SZRD1: variants seen among roughly 807,000 people sequenced by gnomAD.
SZRD1 encodes the protein SUZ RNA binding domain containing 1.
In SZRD1, 7 loss-of-function variants were observed where a neutral mutation model predicts 17.6. The observed-to-expected ratio is 0.40, with a 90% confidence interval of 0.23 to 0.75. The LOEUF is 0.75. SZRD1 is among the 30% of genes least tolerant of loss of function. SZRD1 has a pLI of 0.38. For missense variants in SZRD1, 178 were observed against 201.8 expected (o/e 0.88, Z 0.71); for synonymous variants, 77 against 77.9 (o/e 0.99, Z 0.06).
At chr1:16,380,609 C>A (rs918250377) in intron 1 of SZRD1, among the ~76,000 whole-genome samples, 1 of 152,178 alleles carries the variant, frequency 6.6e-6, no homozygotes, top group Non-Finnish European at 1.5e-5. Context: ...GCTGGAATTA[C>A]AGGCATGTGC....
At chr1:16,382,597 C>T (rs1041602960) in intron 1 of SZRD1, among the ~76,000 whole-genome samples, 7 of 151,808 alleles carry the variant, frequency 4.6e-5, no homozygotes, top group South Asian at 2.1e-4. Flanking sequence ...CGAGTTCAAG[C>T]GATTCTCCTG....
At chr1:16,385,864 A>T (rs1037143261) in intron 1 of SZRD1, among the ~76,000 whole-genome samples, 1 of 151,916 alleles carries the variant, frequency 6.6e-6, no homozygotes, top group Non-Finnish European at 1.5e-5. Context: ...GATCCCATTC[A>T]CCTTGTGGTT....
rs192129537 is a variant in SZRD1 at position 16,391,205 on chromosome 1, G to C, written c.52-170G>C. Among the ~76,000 whole-genome samples, 236 of 152,264 alleles carry C rather than the reference G, an allele frequency of 1.5e-3. No homozygotes were observed. The highest frequency in any genetic ancestry group is 5.4e-3 in the African/African-American group (225 of 41,530). On this transcript the variant is annotated intron_variant, in intron 1 of 3. Transcript: ENST00000401088. This position sits in a 1 kb window ranked among gnomAD's most constrained non-coding sequence, Gnocchi z 4.3. ...GGGCTAGAAGGGAGATGGACCTGCA[G>C]AGGGTATCAGGTCCCCAAACCCCAA...
chr1:16,382,132 G>A (rs548693021), intron 1 of SZRD1, among the ~76,000 whole-genome samples: 38 of 152,148 alleles, frequency 2.5e-4, no homozygotes, highest in African/African-American at 8.2e-4. Flanking sequence ...GGCCAAGATG[G>A]ATATCACCTC....
At chr1:16,374,210 G>A (rs559819662) in intron 1 of SZRD1, among the ~76,000 whole-genome samples, 1 of 152,318 alleles carries the variant, frequency 6.6e-6, no homozygotes, top group East Asian at 1.9e-4. Flanking sequence ...CATGCCTAAA[G>A]GGGCCACCTC....
At chr1:16,389,285 G>T (rs1222129738) in intron 1 of SZRD1, among the ~76,000 whole-genome samples, 4 of 145,204 alleles carry the variant, frequency 2.8e-5, no homozygotes, top group South Asian at 2.3e-4. Flanking sequence ...GTGGGGGGGG[G>T]GCAGAGTCTT....
chr1:16,374,158 T>G (rs2082959148), intron 1 of SZRD1, among the ~76,000 whole-genome samples: 1 of 152,132 alleles, frequency 6.6e-6, no homozygotes, highest in South Asian at 2.1e-4. Flanking sequence ...AAGAAGGCAT[T>G]TAAGATTTGT....
At chr1:16,369,474 C>G (rs762350658) in intron 1 of SZRD1, 10 of 1,009,042 alleles carry the variant, frequency 9.9e-6, no homozygotes, top group South Asian at 8.9e-5. Flanking sequence ...GAGTGAACTT[C>G]AGAACCTGCT....
intron 1 of SZRD1, among the ~76,000 whole-genome samples, chr1:16,376,448 C>T (rs185203223): frequency 2.0e-5 from 3 of 152,240 alleles, no homozygotes; most frequent in Admixed American, 6.5e-5. Flanking sequence ...AGATGCTGGT[C>T]GAAATCTTGA....
intron 1 of SZRD1, among the ~76,000 whole-genome samples, chr1:16,386,593 C>T (rs969772984): frequency 6.6e-6 from 1 of 152,184 alleles, no homozygotes; most frequent in Admixed American, 6.5e-5. Flanking sequence ...GGACAGACTC[C>T]AGAGGGAGAT....
rs2082844792 is a variant in SZRD1, at chr1:16,367,628, T to C, written c.51+320T>C. ...CTGGCCGTGGGCCTCTGTGACTCTT[T>C]CCGATGAGCCTTGTGGCCCGAGGCA... On this transcript the variant is annotated intron_variant, in intron 1 of 3. Coordinates refer to ENST00000401088, the MANE Select transcript of SZRD1 (RefSeq NM_001114600.3). The C allele has an allele frequency of 2.6e-5, 11 of 422,658 alleles. No individual in the cohort carries two copies. In the South Asian group the frequency reaches 3.6e-4, roughly 14 times the overall value. 26.2% of individuals were successfully genotyped at this position (422,658 alleles called of 1,614,324 possible).
chr1:16,387,526 G>T lies in SZRD1; in HGVS notation c.52-3849G>T, dbSNP rs76744455. 6.6e-6 allele frequency: 3 copies of T among 456,692 alleles called. No homozygotes were observed. The Admixed American group carries it at 7.0e-5, about 11-fold the overall frequency. 28.3% of individuals were successfully genotyped at this position (456,692 alleles called of 1,614,324 possible). A position where few individuals can be genotyped will look rare whatever the true frequency, so the allele number is the denominator to read the frequency against. ...GATCTGGCCCTGTCTGCCAAAGCTTGTTGGCCGTCATTAGGCAGGGCAAGT... is the reference window on the plus strand; with the variant it reads ...GATCTGGCCCTGTCTGCCAAAGCTTTTTGGCCGTCATTAGGCAGGGCAAGT... On this transcript the variant is annotated intron_variant, in intron 1 of 3. Transcript: ENST00000401088.
Position 16,395,089 on chromosome 1 carries a change from C to T in SZRD1, c.408C>T (p.Ile136=). 6.2e-7 allele frequency: 1 copy of T among 1,614,080 alleles called. No homozygotes were observed. The highest frequency in any genetic ancestry group is 8.5e-7 in the Non-Finnish European group (1 of 1,179,908). ...ACAGCAGGCAGCCCAATAATGTGAT[C>T]AGACAGCCTTTGGGTCCTGATGGGT... ...PEDSRQPNNV[I]RQPLGPDGSQ... The change falls in exon 4 of 4, where the codon ATC becomes ATT. Residue 136 remains isoleucine (I), a synonymous_variant. Coordinates refer to ENST00000401088, the MANE Select transcript of SZRD1 (RefSeq NM_001114600.3).
At chr1:16,394,620 C>T (rs2085276611) in intron 3 of SZRD1, among the ~76,000 whole-genome samples, 1 of 152,184 alleles carries the variant, frequency 6.6e-6, no homozygotes, top group Admixed American at 6.5e-5. Flanking sequence ...AAGAAGCAGG[C>T]TTGCGGAGCC....
chr1:16,381,160 C>T (rs964962129), intron 1 of SZRD1, among the ~76,000 whole-genome samples: 7 of 147,414 alleles, frequency 4.7e-5, no homozygotes, highest in East Asian at 2.0e-4. Flanking sequence ...AGGCCGAGGC[C>T]GAAGGATCAC....
At chr1:16,381,271 A>T (rs1324047448) in intron 1 of SZRD1, among the ~76,000 whole-genome samples, 3 of 151,990 alleles carry the variant, frequency 2.0e-5, no homozygotes, top group Non-Finnish European at 4.4e-5. Flanking sequence ...AATAAATAAA[A>T]AATAATGTTG....
chr1:16,389,060 A>T (rs1042077151), intron 1 of SZRD1, among the ~76,000 whole-genome samples: 2 of 149,738 alleles, frequency 1.3e-5, no homozygotes, highest in Non-Finnish European at 3.0e-5. Flanking sequence ...TGCACCCATC[A>T]ACTGGAGAAT....
Position 16,384,050 on chromosome 1 carries a change from C to T in SZRD1, c.52-7325C>T, listed in dbSNP as rs186257018. Among the ~76,000 whole-genome samples the T allele has an allele frequency of 6.3e-3, 966 of 152,174 alleles. 10 individuals carry two copies. Among genetic ancestry groups the T allele is most frequent in the Middle Eastern group, 0.031 (9 of 294 alleles). On this transcript the variant is annotated intron_variant, in intron 1 of 3. Coordinates refer to ENST00000401088, the MANE Select transcript of SZRD1 (RefSeq NM_001114600.3). Reference sequence around the variant, plus strand: ...TAAAATCAAACCTGGGGTGATAGGACTTGGGGTGTGTCCCTCTCTGGGATT... The same window carrying T: ...TAAAATCAAACCTGGGGTGATAGGATTTGGGGTGTGTCCCTCTCTGGGATT...
At position 16,393,574 on chromosome 1, in the gene SZRD1, G is replaced by A; in HGVS notation, c.356+92G>A. 7.3e-7 allele frequency: 1 copy of A among 1,367,510 alleles called. No individual in the cohort carries two copies. Among genetic ancestry groups the A allele is most frequent in the Non-Finnish European group, 9.9e-7 (1 of 1,008,148 alleles). The allele number at this position is 1,367,510 out of a possible 1,614,324, so 84.7% of individuals were successfully genotyped here. On this transcript the variant is annotated intron_variant, in intron 3 of 3. Transcript: ENST00000401088. The surrounding 1 kb of genome is among the most constrained non-coding windows in gnomAD (Gnocchi z 5.6). ...CTGGCTGCGTGTAGAGTAGTGAGAA[G>A]CAAGCAGAGTCAGGGTAGGAACCAT... is the stretch of plus-strand genomic sequence containing the variant.
Sources: gnomAD v4.1 joint callset for allele counts (sites outside exome capture counted in the v4.1 genomes callset) on GRCh38, gnomAD v4.1.1 for gene constraint, Gnocchi (gnomAD v3.1) non-coding constraint, MANE v1.5 for transcripts, NCBI Gene and HGNC (gene_info 2026-07-23, HGNC 2026-07-21) for gene names.